The following UPRT variants were observed in gnomAD, a reference collection of about 807,000 sequenced individuals.
The protein encoded by UPRT is uracil phosphoribosyltransferase homolog.
A neutral mutation model predicts 22.6 loss-of-function variants in UPRT; 5 were observed. The ratio of observed to expected loss-of-function variants is 0.22; its 90% CI spans 0.12 to 0.47. The LOEUF (loss-of-function observed/expected upper bound fraction) is 0.47. Ranked by LOEUF, UPRT falls within the 20% of genes least tolerant of loss-of-function variation. The pLI, the probability that UPRT is intolerant of heterozygous loss-of-function variation, is 0.99. For missense variants in UPRT, 181 were observed against 239.9 expected (o/e 0.75, Z 1.62); for synonymous variants, 77 against 87.7 (o/e 0.88, Z 0.68).
intron 4 of UPRT, among the ~76,000 whole-genome samples, chrX:75,212,248 A>G (rs2082382129): frequency 8.9e-6 from 1 of 112,318 alleles, no homozygotes; most frequent in African/African-American, 3.2e-5. Context: ...TCAGTGCCGC[A>G]TGGCACTTAC....
chrX:75,293,567 A>G, intron 2 of UPRT, 53 bp downstream of exon 2: 1 of 1,116,187 alleles, frequency 9.0e-7, no homozygotes, highest in Admixed American at 2.8e-5. Flanking sequence ...TGATATAACC[A>G]TGGTAGACCA....
At chrX:75,188,980 C>T (rs1161073314) in intron 4 of UPRT, among the ~76,000 whole-genome samples, 1 of 112,220 alleles carries the variant, frequency 8.9e-6, no homozygotes. Context: ...CCATCTTCTG[C>T]ATCGCGCACG....
chrX:75,297,034 A>T, intron 3 of UPRT, among the ~76,000 whole-genome samples: 1 of 111,534 alleles, frequency 9.0e-6, no homozygotes, highest in Non-Finnish European at 1.9e-5. Context: ...CTTAATAACT[A>T]TTTCAGCCAC....
chrX:75,174,274 C>T (rs1035437005), intron 4 of UPRT, among the ~76,000 whole-genome samples: 1 of 111,851 alleles, frequency 8.9e-6, no homozygotes, highest in African/African-American at 3.3e-5. Flanking sequence ...TTGTAGTGTC[C>T]TTCAGAGGAG....
intron 4 of UPRT, among the ~76,000 whole-genome samples, chrX:75,268,380 AAG>A (rs747426750): frequency 5.4e-5 from 6 of 111,499 alleles, no homozygotes; most frequent in Non-Finnish European, 9.4e-5. Flanking sequence ...ACAATAGAAA[AAG>A]AGGAATTCCT....
At chrX:75,293,672 G>T (rs1483669328) in intron 2 of UPRT, among the ~76,000 whole-genome samples, 158 bp downstream of exon 2, 1 of 111,036 alleles carries the variant, frequency 9.0e-6, no homozygotes, top group Admixed American at 9.6e-5. Flanking sequence ...TTTCACTGTT[G>T]CATTAAAGAT....
intron 4 of UPRT, among the ~76,000 whole-genome samples, chrX:75,259,407 T>C (rs748204454): frequency 9.2e-6 from 1 of 108,757 alleles, no homozygotes; most frequent in East Asian, 3.0e-4. Context: ...AGTTTAGAGA[T>C]GAACAGAAAT....
intron 1 of UPRT, among the ~76,000 whole-genome samples, chrX:75,292,101 T>C (rs1366129798): frequency 1.8e-5 from 2 of 112,112 alleles, no homozygotes; most frequent in Non-Finnish European, 3.8e-5. Flanking sequence ...ACCGCATATG[T>C]CTTTAAGTCA....
intron 4 of UPRT, among the ~76,000 whole-genome samples, chrX:75,173,838 C>G (rs975915767): frequency 8.9e-6 from 1 of 112,051 alleles, no homozygotes; most frequent in Admixed American, 9.3e-5. Flanking sequence ...GCCACTGGCC[C>G]GGGTGCTAAG....
At chrX:75,164,725 T>A (rs2082208531) in intron 3 of UPRT, among the ~76,000 whole-genome samples, 1 of 111,453 alleles carries the variant, frequency 9.0e-6, no homozygotes, top group Non-Finnish European at 1.9e-5. Context: ...TACTAAAAAC[T>A]ATTGAATCAT....
chrX:75,176,489 T>A (rs930685093), intron 4 of UPRT, among the ~76,000 whole-genome samples: 22 of 111,707 alleles, frequency 2.0e-4, no homozygotes, highest in Non-Finnish European at 3.2e-4. Flanking sequence ...ATCTGAAAAC[T>A]TCCCCAGGTC....
chrX:75,300,076 G>A (rs745390040), intron 5 of UPRT, among the ~76,000 whole-genome samples, 180 bp downstream of exon 5: 7 of 112,444 alleles, frequency 6.2e-5, no homozygotes, highest in African/African-American at 1.9e-4. Context: ...AGAATATACA[G>A]TAGTCAGACC....
At chrX:75,266,815 C>G (rs1304257547) in intron 4 of UPRT, among the ~76,000 whole-genome samples, 1 of 111,664 alleles carries the variant, frequency 9.0e-6, no homozygotes, top group African/African-American at 3.3e-5. Flanking sequence ...GACATTTATG[C>G]AGCCAACAGA....
chrX:75,156,904 C>CAG (rs2082182275), intron 1 of UPRT, among the ~76,000 whole-genome samples: 1 of 107,603 alleles, frequency 9.3e-6, no homozygotes, highest in South Asian at 4.0e-4. Flanking sequence ...CAGTCTCACA[C>CAG]ACACACACAC....
chrX:75,253,307 A>T (rs2082538356), intron 4 of UPRT, among the ~76,000 whole-genome samples: 1 of 112,416 alleles, frequency 8.9e-6, no homozygotes, highest in Admixed American at 9.4e-5. Flanking sequence ...TTATATGAAA[A>T]AATATTCAAC....
intron 4 of UPRT, among the ~76,000 whole-genome samples, chrX:75,190,136 T>C (rs1385681749): frequency 2.7e-5 from 3 of 112,298 alleles, no homozygotes; most frequent in African/African-American, 9.7e-5. Flanking sequence ...TTTCCATGTT[T>C]AGTGCTTCCT....
rs754891152 is a variant in UPRT at position 75,232,028 on chromosome X, C to T, written c.-446-58996C>T. ...ATTTCTGCATTTCCATCTGAGGTAC[C>T]GGGTTCATCTCACTAGGGAGTGCCA... is the stretch of plus-strand genomic sequence containing the variant. On this transcript the variant is annotated intron_variant, in intron 4 of 13. Coordinates refer to the UPRT transcript ENST00000652605. Among the ~76,000 whole-genome samples the T allele has an allele frequency of 3.4e-3, 377 of 111,608 alleles. 2 individuals are homozygous for T. The highest frequency in any genetic ancestry group is 0.012 in the African/African-American group (360 of 30,719).
chrX:75,225,323 C>CCACACACA (rs57493246), intron 4 of UPRT, among the ~76,000 whole-genome samples: 3,013 of 81,940 alleles, frequency 0.037, 70 homozygotes, highest in East Asian at 0.066. Context: ...AAACCAAAAA[C>CCACACACA]CACACACACA....
intron 3 of UPRT, among the ~76,000 whole-genome samples, chrX:75,163,513 G>A (rs1303477334): frequency 9.0e-6 from 1 of 111,266 alleles, no homozygotes; most frequent in African/African-American, 3.3e-5. Context: ...GATTATGTAG[G>A]GTATATATAC....
Sources: allele counts gnomAD v4.1 joint callset (sites outside exome capture counted in the v4.1 genomes callset), GRCh38; gene constraint gnomAD v4.1.1; transcripts MANE v1.5; gene names NCBI Gene and HGNC (gene_info 2026-07-23, HGNC 2026-07-21).